ARHGEF10: variants seen among roughly 807,000 people sequenced by gnomAD.
ARHGEF10 encodes the protein Rho guanine nucleotide exchange factor (GEF) 10.
ARHGEF10 carries 140 observed loss-of-function variants against 147.4 expected under a neutral mutation model. The ratio of observed to expected loss-of-function variants is 0.95; its 90% confidence interval spans 0.83 to 1.09. The LOEUF is 1.09. Ranked by LOEUF, ARHGEF10 falls within the 50% of genes least tolerant of loss-of-function variation. The pLI is 0.00. For missense variants in ARHGEF10, 2,222 were observed against 1,752.7 expected, an observed-to-expected ratio of 1.27 and a Z score of -4.78; for synonymous variants, 902 against 695.8, an observed-to-expected ratio of 1.30 and a Z score of -4.67.
In ARHGEF10 at chr8:1,876,661, A is replaced by T. The variant is rs1217958143; in HGVS notation, c.770A>T (p.Tyr257Phe). The change falls in exon 8 of 29, where the codon TAC (tyrosine) becomes TTC (phenylalanine). Residue 257 changes from tyrosine (Y) to phenylalanine (F), a missense_variant. Transcript: ENST00000349830. The part of the protein sequence containing the change: ...YGWSSSEFES[Y>F]EEQSDSECKN... Reference sequence around the variant, plus strand: ...TGGAGTTCGAGTGAATTTGAAAGTTACGAAGAGCAGAGTGACTCGGAGTGC... The same window carrying T: ...TGGAGTTCGAGTGAATTTGAAAGTTTCGAAGAGCAGAGTGACTCGGAGTGC... The T allele has an allele frequency of 1.9e-6, 3 of 1,614,264 alleles. No individual in the cohort carries two copies. The highest frequency in any genetic ancestry group is 4.5e-5 in the East Asian group (2 of 44,892).
intron 26 of ARHGEF10, among the ~76,000 whole-genome samples, chr8:1,945,082 C>G (rs1010799188): frequency 1.3e-5 from 2 of 152,252 alleles, no homozygotes; most frequent in African/African-American, 4.8e-5. Context: ...CAGGGTCAGG[C>G]TGCAGGCAGG....
chr8:1,857,628 C>T (rs1034612458), intron 2 of ARHGEF10, among the ~76,000 whole-genome samples: 2 of 152,008 alleles, frequency 1.3e-5, no homozygotes, highest in East Asian at 1.9e-4. Flanking sequence ...CCATGTTGGC[C>T]AGGCTGGTCT....
Position 1,948,385 on chromosome 8 carries a change from C to G in ARHGEF10, c.3397+2730C>G, listed in dbSNP as rs535300274. ...TCTGTCCAGATGGAGTGCCGTGCTT[C>G]TCGTTGGCAGGTTTCTCCGGCATTT... On this transcript the variant is annotated intron_variant, in intron 27 of 28. Transcript: ENST00000349830. The surrounding 1 kb of genome is among the most constrained non-coding windows in gnomAD (Gnocchi z 4.9). 2.6e-5 allele frequency among the ~76,000 whole-genome samples: 4 copies of G among 152,330 alleles called. No individual in the cohort carries two copies. Among genetic ancestry groups the G allele is most frequent in the South Asian group, 4.1e-4 (2 of 4,824 alleles).
chr8:1,925,823 G>A (rs1335026243), intron 22 of ARHGEF10, among the ~76,000 whole-genome samples: 2 of 152,214 alleles, frequency 1.3e-5, no homozygotes, highest in Non-Finnish European at 2.9e-5. Context: ...CATCTCCAGG[G>A]TGGCGTCTTA....
chr8:1,892,817 T>C (rs774543531), intron 11 of ARHGEF10, among the ~76,000 whole-genome samples: 2 of 152,152 alleles, frequency 1.3e-5, no homozygotes, highest in South Asian at 2.1e-4. Context: ...TTTCCATGAA[T>C]TGGCAAATTG....
intron 27 of ARHGEF10, 57 bp downstream of exon 27, chr8:1,945,712 G>C: frequency 1.2e-6 from 2 of 1,606,450 alleles, no homozygotes; most frequent in South Asian, 2.2e-5. Flanking sequence ...GGACGTGGGG[G>C]GTGCGGAGCG....
intron 7 of ARHGEF10, chr8:1,876,339 T>TACAAAA: frequency 1.7e-6 from 1 of 585,844 alleles, no homozygotes; most frequent in South Asian, 2.0e-5. Flanking sequence ...CAGGGGCACT[T>TACAAAA]GTGAGAAACA....
At chr8:1,864,520 T>G in intron 5 of ARHGEF10, 84 bp downstream of exon 5, 1 of 1,401,996 alleles carries the variant, frequency 7.1e-7, no homozygotes, top group Non-Finnish European at 1.0e-6. Flanking sequence ...TGTGTGTCCC[T>G]GCCCGCCATC....
chr8:1,851,536 G>T (rs756719257), intron 2 of ARHGEF10, among the ~76,000 whole-genome samples: 9 of 152,136 alleles, frequency 5.9e-5, no homozygotes, highest in Non-Finnish European at 1.0e-4. Flanking sequence ...TTTGGGGGTG[G>T]GGAGTATATG....
intron 1 of ARHGEF10, among the ~76,000 whole-genome samples, chr8:1,841,811 GGCCGCGGCGGGAAC>G (rs1804056056): frequency 4.5e-5 from 5 of 112,176 alleles, no homozygotes; most frequent in South Asian, 5.9e-4. Flanking sequence ...TAGGAACTGG[GGCCGCGGCGGGAAC>G]TGGGGCCGCG....
chr8:1,896,689 A>G (rs901238557), intron 14 of ARHGEF10, among the ~76,000 whole-genome samples: 1 of 152,278 alleles, frequency 6.6e-6, no homozygotes, highest in Admixed American at 6.5e-5. Context: ...AGTTAAAATC[A>G]GATCCCCAAA....
intron 23 of ARHGEF10, chr8:1,927,104 A>T (rs1370884792): frequency 6.2e-6 from 1 of 160,718 alleles, no homozygotes; most frequent in African/African-American, 2.4e-5. Context: ...CTGCTTGGTC[A>T]GTGTTCCTAG....
intron 12 of ARHGEF10, 93 bp from the exon 13 acceptor site, chr8:1,894,300 T>C (rs1809790003): frequency 7.4e-7 from 1 of 1,350,562 alleles, no homozygotes; most frequent in Admixed American, 1.8e-5. Flanking sequence ...CAGTGAGCCA[T>C]GATCGCACCA....
At chr8:1,837,339 T>C (rs1803647528) in intron 1 of ARHGEF10, among the ~76,000 whole-genome samples, 1 of 152,246 alleles carries the variant, frequency 6.6e-6, no homozygotes, top group Non-Finnish European at 1.5e-5. Flanking sequence ...TGGTCGGTGC[T>C]GGGTGAAGTG....
intron 1 of ARHGEF10, among the ~76,000 whole-genome samples, chr8:1,840,767 G>T (rs1269922295): frequency 6.6e-6 from 1 of 152,174 alleles, no homozygotes; most frequent in Non-Finnish European, 1.5e-5. Context: ...ACCTTAACTT[G>T]GATATGACAG....
intron 1 of ARHGEF10, among the ~76,000 whole-genome samples, chr8:1,830,550 G>T (rs563604254): frequency 1.2e-3 from 182 of 152,270 alleles, no homozygotes; most frequent in Non-Finnish European, 1.1e-3. Flanking sequence ...GACAAGCACC[G>T]GCAAATCTGG....
At chr8:1,837,003 A>G (rs1372934332) in intron 1 of ARHGEF10, among the ~76,000 whole-genome samples, 3 of 152,252 alleles carry the variant, frequency 2.0e-5, no homozygotes, top group African/African-American at 7.2e-5. Flanking sequence ...AAGTCCAATT[A>G]AAGCTCTTTT....
intron 17 of ARHGEF10, among the ~76,000 whole-genome samples, chr8:1,906,330 C>G (rs773177110): frequency 3.3e-5 from 5 of 152,158 alleles, no homozygotes; most frequent in African/African-American, 7.2e-5. Flanking sequence ...TTCGTCATGT[C>G]TTGCAAGAGT....
chr8:1,881,786 C>G (rs1563222852), intron 9 of ARHGEF10, among the ~76,000 whole-genome samples: 1 of 152,168 alleles, frequency 6.6e-6, no homozygotes, highest in Non-Finnish European at 1.5e-5. Context: ...TGGTGTGACC[C>G]AGATGAGGAG....
Sources: gnomAD v4.1 joint callset for allele counts (sites outside exome capture counted in the v4.1 genomes callset) on GRCh38, gnomAD v4.1.1 for gene constraint, Gnocchi (gnomAD v3.1) non-coding constraint, MANE v1.5 for transcripts, NCBI Gene and HGNC (gene_info 2026-07-23, HGNC 2026-07-21) for gene names.